Variants in N4BP2L2 observed in about 807,000 individuals in gnomAD.
The protein encoded by N4BP2L2 is NEDD4-binding protein 2-like 2.
A neutral mutation model predicts 56.2 loss-of-function variants in N4BP2L2; 50 were observed. The observed-to-expected ratio is 0.89, with a 90% confidence interval of 0.71 to 1.13. N4BP2L2 has a LOEUF of 1.13. Ranked by LOEUF, N4BP2L2 falls within the 50% of genes most tolerant of loss-of-function variation. N4BP2L2 has a pLI of 0.00. For synonymous variants in N4BP2L2, 203 were observed against 223.6 expected (o/e 0.91, Z 0.82); for missense variants, 689 against 693.8 (o/e 0.99, Z 0.08).
At chr13:32,527,103 T>A (rs1449833057) in intron 3 of N4BP2L2, 1 of 199,458 alleles carries the variant, frequency 5.0e-6, no homozygotes, top group African/African-American at 2.3e-5. Context: ...AATTTACTCA[T>A]CAAGTATAAA....
At chr13:32,433,138 C>T (rs1259681777) in intron 9 of N4BP2L2, among the ~76,000 whole-genome samples, 9 of 152,248 alleles carry the variant, frequency 5.9e-5, no homozygotes, top group Admixed American at 4.6e-4. Context: ...ATTCAAGAGC[C>T]TGTTCCCTGA....
At chr13:32,509,531 GA>G (rs1341559013), downstream of N4BP2L2, 1 of 152,144 alleles carries the variant, frequency 6.6e-6, no homozygotes. Context: ...TCTTAGTAAA[GA>G]ATAAAGCTCC....
chr13:32,490,281 G>T (rs2139318181), intron 6 of N4BP2L2: 1 of 152,568 alleles, frequency 6.6e-6, no homozygotes, highest in Admixed American at 6.6e-5. Context: ...GGTGGGCAGT[G>T]GAAGCTACTG....
At chr13:32,459,612 G>A (rs2138665189) in intron 6 of N4BP2L2, among the ~76,000 whole-genome samples, 1 of 152,168 alleles carries the variant, frequency 6.6e-6, no homozygotes, top group Non-Finnish European at 1.5e-5. Flanking sequence ...CCAATAATGA[G>A]TTATGAGATT....
chr13:32,437,415 T>A (rs2075652409), intron 8 of N4BP2L2, among the ~76,000 whole-genome samples: 1 of 152,224 alleles, frequency 6.6e-6, no homozygotes, highest in Non-Finnish European at 1.5e-5. Flanking sequence ...ATTCACTAAA[T>A]TTTGATTTTA....
intron 2 of N4BP2L2, among the ~76,000 whole-genome samples, chr13:32,532,302 G>C (rs1240819023): frequency 1.3e-5 from 2 of 152,092 alleles, no homozygotes; most frequent in Non-Finnish European, 2.9e-5. Context: ...TTATTAGGGG[G>C]TAAGAAAGAT....
intron 6 of N4BP2L2, among the ~76,000 whole-genome samples, chr13:32,499,190 C>T (rs940590481): frequency 1.3e-5 from 2 of 152,090 alleles, no homozygotes; most frequent in East Asian, 1.9e-4. Flanking sequence ...TTCCTTGAAC[C>T]TGGCCCTCTA....
chr13:32,482,677 A>G (rs2085018074), intron 6 of N4BP2L2, among the ~76,000 whole-genome samples: 1 of 152,052 alleles, frequency 6.6e-6, no homozygotes, highest in South Asian at 2.1e-4. Flanking sequence ...TAGACTCTTT[A>G]CAGTCATATT....
At chr13:32,443,004 T>C in exon 7 of N4BP2L2, 1 of 1,613,766 alleles carries the variant, frequency 6.2e-7, no homozygotes, top group Non-Finnish European at 8.5e-7. Flanking sequence ...ATTTCTCCCT[T>C]TCTTTTACAC....
intron 6 of N4BP2L2, among the ~76,000 whole-genome samples, chr13:32,502,276 G>C (rs112420560): frequency 0.057 from 8,695 of 151,656 alleles, 848 homozygotes; most frequent in African/African-American, 0.2. Flanking sequence ...GGGGTTTCAC[G>C]ATGTTGGCCA....
chr13:32,484,992 C>T (rs894220136), intron 6 of N4BP2L2, among the ~76,000 whole-genome samples: 30 of 152,148 alleles, frequency 2.0e-4, no homozygotes, highest in African/African-American at 7.0e-4. Context: ...TTTCAACTTA[C>T]AAAATAGTTG....
At chr13:32,530,928 G>A (rs139957506) in intron 2 of N4BP2L2, among the ~76,000 whole-genome samples, 1 of 150,464 alleles carries the variant, frequency 6.6e-6, no homozygotes, top group East Asian at 1.9e-4. Context: ...TCTTAGACTT[G>A]AGCTTGCATG....
chr13:32,505,666 C>T (rs1391950696), downstream of N4BP2L2: 2 of 152,166 alleles, frequency 1.3e-5, no homozygotes, highest in Non-Finnish European at 2.9e-5. Flanking sequence ...TGGCTATTTG[C>T]CACATTATAA....
intron 6 of N4BP2L2, among the ~76,000 whole-genome samples, chr13:32,489,676 T>G (rs190920716): frequency 1.3e-5 from 2 of 152,112 alleles, no homozygotes; most frequent in East Asian, 3.9e-4. Context: ...GGTTCAATAT[T>G]CTAACATTAA....
Position 32,443,537 on chromosome 13 carries a change from C to A in N4BP2L2, c.955G>T (p.Glu319Ter), listed in dbSNP as rs747091032. 8.1e-6 allele frequency: 13 copies of A among 1,610,606 alleles called. No homozygotes were observed. Among genetic ancestry groups the A allele is most frequent in the South Asian group, 1.1e-5 (1 of 90,580 alleles). The change falls in exon 7 of 10, where the codon GAA (glutamate) becomes TAA (stop). Residue 319 changes from glutamate to a stop codon, truncating the protein, a stop_gained. Coordinates refer to the N4BP2L2 transcript ENST00000357505. LOFTEE classifies it high-confidence loss of function. ...CCATGTTGATGGCACAGAATGGGTT[C>A]ATGTGAGAGATTTTTATCTACTATT...
At chr13:32,440,025 CAAAAAAA>C (rs71071042) in intron 7 of N4BP2L2, among the ~76,000 whole-genome samples, 2 of 103,846 alleles carry the variant, frequency 1.9e-5, no homozygotes, top group Non-Finnish European at 4.4e-5. Flanking sequence ...GACTCCGTCT[CAAAAAAA>C]AAAAAAAAGA....
chr13:32,460,852 C>CA (rs2079926060), intron 6 of N4BP2L2, among the ~76,000 whole-genome samples: 1 of 152,028 alleles, frequency 6.6e-6, no homozygotes, highest in African/African-American at 2.4e-5. Flanking sequence ...CTTGTAGCAT[C>CA]ACACTACCTG....
intron 2 of N4BP2L2, among the ~76,000 whole-genome samples, chr13:32,533,379 T>C (rs540665858): frequency 1.3e-5 from 2 of 152,080 alleles, no homozygotes; most frequent in Non-Finnish European, 2.9e-5. Flanking sequence ...ATACTTACAA[T>C]GTTAGAGACA....
At chr13:32,436,658 T>G (rs12864202) in intron 8 of N4BP2L2, among the ~76,000 whole-genome samples, 1 of 151,064 alleles carries the variant, frequency 6.6e-6, no homozygotes, top group Non-Finnish European at 1.5e-5. Context: ...GGTATGGTGG[T>G]GCATGCCTGT....
Sources: allele counts gnomAD v4.1 joint callset (sites outside exome capture counted in the v4.1 genomes callset), GRCh38; gene constraint gnomAD v4.1.1; transcripts MANE v1.5; gene names NCBI Gene and HGNC (gene_info 2026-07-23, HGNC 2026-07-21).